Variants in ZHX2 observed in about 807,000 individuals in gnomAD.
ZHX2 encodes the protein zinc fingers and homeoboxes 2.
In ZHX2, 6 loss-of-function variants were observed where a neutral mutation model predicts 21.9. That is an observed-to-expected ratio of 0.27 (90% CI 0.15 to 0.54). ZHX2 has a LOEUF of 0.54. ZHX2 is among the 20% of genes least tolerant of loss of function. ZHX2 has a pLI of 0.95. For synonymous variants in ZHX2, 434 were observed against 437.1 expected, an observed-to-expected ratio of 0.99 and a Z score of 0.09; for missense variants, 908 against 1,090.7, an observed-to-expected ratio of 0.83 and a Z score of 2.36.
At chr8:122,926,536 C>T (rs1451218637) in intron 2 of ZHX2, among the ~76,000 whole-genome samples, 1 of 152,210 alleles carries the variant, frequency 6.6e-6, no homozygotes, top group African/African-American at 2.4e-5. Context: ...AGTTCCACGG[C>T]CCATCGCTGT....
chr8:122,808,330 C>A (rs1817862025), intron 1 of ZHX2, among the ~76,000 whole-genome samples: 1 of 152,144 alleles, frequency 6.6e-6, no homozygotes, highest in African/African-American at 2.4e-5. Context: ...TTAATTGACT[C>A]ACAGTTTAGC....
At chr8:122,827,107 G>A (rs551281630) in intron 1 of ZHX2, among the ~76,000 whole-genome samples, 5 of 152,182 alleles carry the variant, frequency 3.3e-5, no homozygotes, top group East Asian at 1.9e-4. Flanking sequence ...TGCAACCTTC[G>A]AATCCAGGCT....
rs201581677 is a variant in ZHX2, at chr8:122,846,549, ATT to A, written c.-282-16910_-282-16909del. ...CCTTCTAATGTTTCAGACTTTGTGTATTTTTTTTTTTTTTTTTTTGCCAGTCT... is the reference window on the plus strand; with the variant it reads ...CCTTCTAATGTTTCAGACTTTGTGTATTTTTTTTTTTTTTTTTGCCAGTCT... On this transcript the variant is annotated intron_variant, in intron 1 of 3. Coordinates refer to ENST00000314393, the MANE Select transcript of ZHX2 (RefSeq NM_014943.5). Among the ~76,000 whole-genome samples, 760 of 111,224 alleles carry A rather than the reference ATT, an allele frequency of 6.8e-3. 6 individuals are homozygous for A. Among genetic ancestry groups the A allele is most frequent in the African/African-American group, 0.02 (632 of 32,346 alleles). 73.0% of individuals were successfully genotyped at this position (111,224 alleles called of 152,430 possible). A position where few individuals can be genotyped will look rare whatever the true frequency, so the allele number is the denominator to read the frequency against.
chr8:122,856,591 G>T (rs977007053), intron 1 of ZHX2, among the ~76,000 whole-genome samples: 1 of 152,128 alleles, frequency 6.6e-6, no homozygotes, highest in African/African-American at 2.4e-5. Flanking sequence ...AACAGGAGCC[G>T]TAATCAAAGG....
chr8:122,961,591 G>T (rs1367441757), intron 3 of ZHX2, among the ~76,000 whole-genome samples: 1 of 152,134 alleles, frequency 6.6e-6, no homozygotes, highest in Non-Finnish European at 1.5e-5. Context: ...TACGATCATG[G>T]CGGAAGGCGA....
intron 1 of ZHX2, among the ~76,000 whole-genome samples, chr8:122,802,816 G>A (rs193102660): frequency 4.3e-4 from 65 of 152,276 alleles, no homozygotes; most frequent in East Asian, 1.9e-3. Flanking sequence ...GCCCTTCCAC[G>A]CTTCTCTGGG....
At chr8:122,797,222 A>G (rs1008247656) in intron 1 of ZHX2, among the ~76,000 whole-genome samples, 1 of 152,194 alleles carries the variant, frequency 6.6e-6, no homozygotes, top group Non-Finnish European at 1.5e-5. Flanking sequence ...CAGCTCTGTA[A>G]GGCAGCTTTC....
intron 2 of ZHX2, among the ~76,000 whole-genome samples, chr8:122,921,141 G>A (rs1387571675): frequency 5.9e-5 from 9 of 152,020 alleles, no homozygotes; most frequent in East Asian, 1.9e-4. Flanking sequence ...GTGCGTTGGC[G>A]TGATCTCTGC....
intron 3 of ZHX2, among the ~76,000 whole-genome samples, chr8:122,972,549 C>T (rs1024123905): frequency 6.6e-6 from 1 of 152,122 alleles, no homozygotes; most frequent in African/African-American, 2.4e-5. Context: ...ATAATATTTA[C>T]ACCTCTTAGA....
At chr8:122,862,040 C>A (rs1452999034) in intron 1 of ZHX2, among the ~76,000 whole-genome samples, 1 of 152,216 alleles carries the variant, frequency 6.6e-6, no homozygotes, top group Non-Finnish European at 1.5e-5. Flanking sequence ...GGCCCAGAAC[C>A]TTCAACTGGG....
At chr8:122,942,413 G>T (rs1812867322) in intron 2 of ZHX2, among the ~76,000 whole-genome samples, 1 of 152,148 alleles carries the variant, frequency 6.6e-6, no homozygotes, top group Middle Eastern at 3.2e-3. Context: ...AGACAGCCCT[G>T]TTATTTCTCC....
chr8:122,941,540 A>G (rs1459127341), intron 2 of ZHX2, among the ~76,000 whole-genome samples: 1 of 152,156 alleles, frequency 6.6e-6, no homozygotes, highest in African/African-American at 2.4e-5. Context: ...AATTTTGTAC[A>G]GTTCTTCCCC....
At chr8:122,867,212 G>C (rs1819321876) in intron 2 of ZHX2, among the ~76,000 whole-genome samples, 2 of 152,260 alleles carry the variant, frequency 1.3e-5, no homozygotes, top group African/African-American at 4.8e-5. Context: ...TTTTATATCA[G>C]AGGGACAAGG....
At chr8:122,908,784 G>A (rs1820407509) in intron 2 of ZHX2, among the ~76,000 whole-genome samples, 1 of 152,184 alleles carries the variant, frequency 6.6e-6, no homozygotes, top group South Asian at 2.1e-4. Flanking sequence ...AAGTGAGAAG[G>A]CAAAGGGAAG....
chr8:122,900,006 T>C lies in ZHX2; in HGVS notation c.-220+36467T>C, dbSNP rs1319582117. Among the ~76,000 whole-genome samples the C allele has an allele frequency of 3.9e-5, 6 of 152,214 alleles. No individual in the cohort carries two copies. In the East Asian group the frequency reaches 1.2e-3, roughly 29 times the overall value. ...TGGAAAGATGAACTGCTCACATTTA[T>C]CCTGATTTTCAGCAGAGGCATTAAT... On this transcript the variant is annotated intron_variant, in intron 2 of 3. Coordinates refer to ENST00000314393, the MANE Select transcript of ZHX2 (RefSeq NM_014943.5).
upstream of ZHX2, chr8:122,780,905 T>G (rs1394257389): frequency 6.6e-6 from 1 of 152,186 alleles, no homozygotes; most frequent in Non-Finnish European, 1.5e-5. Context: ...GAAAAAAGTT[T>G]GAAGATCTTT....
intron 1 of ZHX2, among the ~76,000 whole-genome samples, chr8:122,787,841 A>C (rs550603845): frequency 6.6e-6 from 1 of 152,356 alleles, no homozygotes; most frequent in Admixed American, 6.5e-5. Flanking sequence ...ACATCTGCAG[A>C]AAACTGAGGA....
At chr8:122,856,716 A>T (rs764832440) in intron 1 of ZHX2, among the ~76,000 whole-genome samples, 4 of 152,194 alleles carry the variant, frequency 2.6e-5, no homozygotes, top group African/African-American at 4.8e-5. Context: ...AACGAATCAG[A>T]TCGCCCTATG....
At chr8:122,900,566 A>G (rs1820204220) in intron 2 of ZHX2, among the ~76,000 whole-genome samples, 1 of 152,202 alleles carries the variant, frequency 6.6e-6, no homozygotes, top group Non-Finnish European at 1.5e-5. Context: ...ACCAGTTTCT[A>G]GTTGCAGTGA....
Sources: gnomAD v4.1 joint callset for allele counts (sites outside exome capture counted in the v4.1 genomes callset) on GRCh38, gnomAD v4.1.1 for gene constraint, MANE v1.5 for transcripts, NCBI Gene and HGNC (gene_info 2026-07-23, HGNC 2026-07-21) for gene names.